MTREX: variants seen among roughly 807,000 people sequenced by gnomAD.
MTREX encodes exosome RNA helicase MTR4.
MTREX carries 76 observed loss-of-function variants against 135.4 expected under a neutral mutation model. The observed-to-expected ratio is 0.56, with a 90% confidence interval of 0.47 to 0.68. The LOEUF (loss-of-function observed/expected upper bound fraction) is 0.68, where lower values mean the gene tolerates loss of function less well. Among genes scored for constraint, MTREX ranks in the 30% least tolerant of loss-of-function variants. MTREX has a pLI of 0.00. For synonymous variants in MTREX, 404 were observed against 401.6 expected (o/e 1.01, Z -0.07); for missense variants, 920 against 1,262.1 (o/e 0.73, Z 4.11).
In MTREX at chr5:55,425,222, C is replaced by T. The variant is rs1399748333; in HGVS notation, c.*450C>T. 2.5e-6 allele frequency: 4 copies of T among 1,613,606 alleles called. No homozygotes were observed. In the Admixed American group the frequency reaches 6.7e-5, roughly 27 times the overall value. On this transcript the variant is annotated 3_prime_UTR_variant, in exon 27 of 27. Transcript: ENST00000230640. ...TGCTGCCTTTCAAGGCTGGTGATTG[C>T]TCGGATAGTGATTCCCAGTTGTTGG...
intron 19 of MTREX, among the ~76,000 whole-genome samples, chr5:55,397,044 T>G (rs1346343962): frequency 6.6e-6 from 1 of 152,240 alleles, no homozygotes; most frequent in Admixed American, 6.5e-5. Flanking sequence ...CTTGACTTCC[T>G]AAACCTGTTA....
intron 24 of MTREX, among the ~76,000 whole-genome samples, chr5:55,414,741 C>A (rs1579903341): frequency 1.3e-5 from 2 of 152,182 alleles, no homozygotes; most frequent in Admixed American, 6.5e-5. Flanking sequence ...CCTCCACCTT[C>A]CACGTTCAAA....
chr5:55,364,860 T>C (rs759680867), intron 15 of MTREX, among the ~76,000 whole-genome samples: 1 of 152,166 alleles, frequency 6.6e-6, no homozygotes, highest in African/African-American at 2.4e-5. Flanking sequence ...CATCAATATA[T>C]GTGAAAGAGA....
At chr5:55,351,990 T>A (rs569873993) in intron 13 of MTREX, among the ~76,000 whole-genome samples, 40 of 150,686 alleles carry the variant, frequency 2.7e-4, no homozygotes, top group African/African-American at 9.6e-4. Flanking sequence ...CCCAACTAAT[T>A]TTTTTTTCTT....
chr5:55,405,668 G>T (rs1750793110), intron 22 of MTREX, 80 bp downstream of exon 22: 2 of 1,279,622 alleles, frequency 1.6e-6, no homozygotes, highest in Non-Finnish European at 2.2e-6. Context: ...TTTTTGAGAT[G>T]GAGTCTCACT....
intron 18 of MTREX, among the ~76,000 whole-genome samples, 170 bp from the exon 19 acceptor site, chr5:55,387,804 C>G (rs1018841786): frequency 6.6e-6 from 1 of 152,004 alleles, no homozygotes; most frequent in Non-Finnish European, 1.5e-5. Flanking sequence ...TCCAATGGAA[C>G]ATGTTGAATC....
At chr5:55,394,601 CAA>C (rs1229226765) in intron 19 of MTREX, among the ~76,000 whole-genome samples, 1 of 152,160 alleles carries the variant, frequency 6.6e-6, no homozygotes, top group Non-Finnish European at 1.5e-5. Flanking sequence ...GCTGATCTGA[CAA>C]GAGGGGGAGT....
At chr5:55,342,269 G>A (rs954941496) in intron 7 of MTREX, among the ~76,000 whole-genome samples, 5 of 152,126 alleles carry the variant, frequency 3.3e-5, no homozygotes, top group Non-Finnish European at 5.9e-5. Context: ...TTCAAGTACA[G>A]CTCTTTAATA....
intron 3 of MTREX, among the ~76,000 whole-genome samples, chr5:55,327,366 A>G (rs1417469097): frequency 1.3e-5 from 2 of 152,144 alleles, no homozygotes; most frequent in Non-Finnish European, 2.9e-5. Context: ...ATGAGCATTC[A>G]AAAGTTTCTC....
intron 25 of MTREX, among the ~76,000 whole-genome samples, chr5:55,420,057 G>T (rs773062635): frequency 6.6e-6 from 1 of 152,122 alleles, no homozygotes; most frequent in Non-Finnish European, 1.5e-5. Flanking sequence ...ATACTTACTC[G>T]TTTAATGAAT....
In MTREX at chr5:55,400,289, G is replaced by A. The variant is rs76243481; in HGVS notation, c.2349G>A (p.Met783Ile). The change falls in exon 21 of 27, where the codon ATG becomes ATA. Residue 783 changes from methionine (M) to isoleucine (I), a missense_variant. Met to Ile is a conservative substitution (Grantham distance 10). Coordinates refer to ENST00000230640, the MANE Select transcript of MTREX (RefSeq NM_015360.5). Reference protein sequence around the residue: ...GIPLLDPIDDMGIQDQGLKKV... With the variant: ...GIPLLDPIDDIGIQDQGLKKV... ...CCTTATTAGACCCTATTGATGATATGGGCATTCAAGATCAAGGGCTGAAAA... is the reference window on the plus strand; with the variant it reads ...CCTTATTAGACCCTATTGATGATATAGGCATTCAAGATCAAGGGCTGAAAA... 1.7e-4 allele frequency: 268 copies of A among 1,612,606 alleles called. 1 individual carries two copies. The East Asian group carries it at 5.6e-3, about 34-fold the overall frequency.
At chr5:55,383,121 G>A (rs1417209796) in intron 18 of MTREX, among the ~76,000 whole-genome samples, 1 of 152,162 alleles carries the variant, frequency 6.6e-6, no homozygotes, top group East Asian at 1.9e-4. Context: ...TGTTGTTACT[G>A]CCAAGATACT....
chr5:55,310,428 C>A (rs544961279), intron 1 of MTREX, among the ~76,000 whole-genome samples: 1 of 152,042 alleles, frequency 6.6e-6, no homozygotes, highest in African/African-American at 2.4e-5. Flanking sequence ...ACCAACATGG[C>A]GAAACCCCAT....
At chr5:55,355,080 T>A (rs1749888495) in intron 14 of MTREX, among the ~76,000 whole-genome samples, 2 of 152,166 alleles carry the variant, frequency 1.3e-5, no homozygotes, top group African/African-American at 4.8e-5. Context: ...CAGGGAGAGA[T>A]GCGTAGAAGC....
intron 17 of MTREX, 116 bp from the exon 18 acceptor site, chr5:55,379,011 A>G (rs1750350960): frequency 2.9e-6 from 2 of 682,166 alleles, no homozygotes; most frequent in East Asian, 2.8e-5. Flanking sequence ...TCTTTCAAAG[A>G]TATTTTATCA....
At chr5:55,405,098 C>G (rs1355607503) in intron 21 of MTREX, among the ~76,000 whole-genome samples, 1 of 152,086 alleles carries the variant, frequency 6.6e-6, no homozygotes, top group Non-Finnish European at 1.5e-5. Flanking sequence ...CGCCCGGCCT[C>G]TGTTCTCTGT....
chr5:55,359,163 A>G (rs186829099), intron 15 of MTREX, among the ~76,000 whole-genome samples: 1 of 152,202 alleles, frequency 6.6e-6, no homozygotes, highest in African/African-American at 2.4e-5. Flanking sequence ...TAAATATCCC[A>G]ATCAAAAAGG....
At chr5:55,312,081 C>T (rs1749122626) in intron 1 of MTREX, among the ~76,000 whole-genome samples, 1 of 152,156 alleles carries the variant, frequency 6.6e-6, no homozygotes, top group Admixed American at 6.5e-5. Context: ...TTTCACATGA[C>T]GGCTTTAGCA....
chr5:55,353,724 C>G (rs1749864622), intron 14 of MTREX, among the ~76,000 whole-genome samples: 1 of 152,096 alleles, frequency 6.6e-6, no homozygotes, highest in South Asian at 2.1e-4. Flanking sequence ...ATTAATTGAA[C>G]AAACCTCCGT....
Sources: gnomAD v4.1 joint callset for allele counts (sites outside exome capture counted in the v4.1 genomes callset) on GRCh38, gnomAD v4.1.1 for gene constraint, MANE v1.5 for transcripts, NCBI Gene and HGNC (gene_info 2026-07-23, HGNC 2026-07-21) for gene names.